The following PPIL4 variants were observed in gnomAD, a reference collection of about 807,000 sequenced individuals.
PPIL4 encodes peptidylprolyl isomerase like 4.
A neutral mutation model predicts 69.1 loss-of-function variants in PPIL4; 50 were observed. The ratio of observed to expected loss-of-function variants is 0.72; its 90% confidence interval spans 0.58 to 0.92. PPIL4 has a LOEUF of 0.92. Ranked by LOEUF, PPIL4 falls within the 40% of genes least tolerant of loss-of-function variation. The probability of loss-of-function intolerance (pLI) is 0.00; values close to 1 mark genes in which losing one functional copy is unlikely to be tolerated. For synonymous variants in PPIL4, 193 were observed against 191.6 expected (o/e 1.01, Z -0.06); for missense variants, 480 against 587.9 (o/e 0.82, Z 1.90).
rs754975857 is a variant in PPIL4 at position 149,541,560 on chromosome 6, T to C, written c.97A>G (p.Lys33Glu). The change falls in exon 2 of 13, where the codon AAA (lysine) becomes GAA (glutamate). Residue 33 changes from lysine to glutamate, a missense_variant. Transcript: ENST00000253329. ...RACLNFLKLC[K>E]IKYYNYCLIH... ...AGGCAATAATTGTAATATTTTATTT[T>C]GCACAGTTTCAAGAAATTCAAGCAG... 1 of 1,584,264 alleles carries C rather than the reference T, an allele frequency of 6.3e-7. No individual in the cohort carries two copies. The highest frequency in any genetic ancestry group is 8.7e-7 in the Non-Finnish European group (1 of 1,154,554).
Position 149,505,621 on chromosome 6 carries a change from T to C in PPIL4, c.1311A>G (p.Arg437=), listed in dbSNP as rs755327696. The change falls in exon 13 of 13, where the codon CGA becomes CGG. Residue 437 remains arginine, a synonymous_variant. Coordinates refer to ENST00000253329, the MANE Select transcript of PPIL4 (RefSeq NM_139126.4). ...ATCGGCTACGACTTCGGTTCTGAGT[T>C]CGGTCTCTCTTTTCACTCTTTTGTT... ...WEKQKSEKRD[R]TQNRSRSRSR... 1 of 1,614,188 alleles carries C rather than the reference T, an allele frequency of 6.2e-7. No homozygotes were observed. The highest frequency in any genetic ancestry group is 1.1e-5 in the South Asian group (1 of 91,088).
chr6:149,517,540 T>G, intron 10 of PPIL4, 90 bp from the exon 11 acceptor site: 1 of 602,446 alleles, frequency 1.7e-6, no homozygotes, highest in Non-Finnish European at 2.8e-6. Flanking sequence ...AAGAGCTATT[T>G]TATAAATGGC....
At chr6:149,541,970 C>T (rs1777371055) in intron 1 of PPIL4, among the ~76,000 whole-genome samples, 1 of 151,956 alleles carries the variant, frequency 6.6e-6, no homozygotes, top group Admixed American at 6.6e-5. Context: ...ACCAAGATCG[C>T]ACCACTGCAC....
intron 4 of PPIL4, among the ~76,000 whole-genome samples, chr6:149,537,378 C>T (rs1173745756): frequency 6.6e-6 from 1 of 152,158 alleles, no homozygotes; most frequent in African/African-American, 2.4e-5. Flanking sequence ...AACCAATGCT[C>T]ACTGACTATA....
At chr6:149,509,022 C>A (rs1320160927) in intron 12 of PPIL4, among the ~76,000 whole-genome samples, 1 of 151,920 alleles carries the variant, frequency 6.6e-6, no homozygotes, top group African/African-American at 2.4e-5. Context: ...CCATTAAAAT[C>A]TTAAATACTG....
At chr6:149,518,084 C>T (rs886212444) in intron 10 of PPIL4, among the ~76,000 whole-genome samples, 1 of 152,146 alleles carries the variant, frequency 6.6e-6, no homozygotes, top group African/African-American at 2.4e-5. Flanking sequence ...GATCACCAAA[C>T]AGCTGTGAGA....
At chr6:149,528,389 G>C (rs1777141474) in intron 7 of PPIL4, among the ~76,000 whole-genome samples, 1 of 152,076 alleles carries the variant, frequency 6.6e-6, no homozygotes, top group Admixed American at 6.6e-5. Flanking sequence ...TATAGTACTT[G>C]GTCAAAGCTA....
intron 1 of PPIL4, among the ~76,000 whole-genome samples, chr6:149,544,203 G>C (rs922375061): frequency 2.6e-5 from 4 of 152,106 alleles, no homozygotes; most frequent in Non-Finnish European, 5.9e-5. Context: ...GGAACTCAAA[G>C]AAAAGCAAAA....
At chr6:149,542,749 G>A (rs925855541) in intron 1 of PPIL4, among the ~76,000 whole-genome samples, 12 of 152,192 alleles carry the variant, frequency 7.9e-5, no homozygotes, top group Non-Finnish European at 1.5e-4. Context: ...AGCATTAAAA[G>A]AACTGGACTA....
rs1198143764 is a variant in PPIL4, at chr6:149,504,992, G to A, written c.*461C>T. ...TAACATTTCACTTACAGATACATACGTATGTTGTAAAACTATAATAGACAA... is the reference window on the plus strand; with the variant it reads ...TAACATTTCACTTACAGATACATACATATGTTGTAAAACTATAATAGACAA... On this transcript the variant is annotated 3_prime_UTR_variant, in exon 13 of 13. Coordinates refer to ENST00000253329, the MANE Select transcript of PPIL4 (RefSeq NM_139126.4). 2.0e-5 allele frequency: 3 copies of A among 152,858 alleles called. No homozygotes were observed. Among genetic ancestry groups the A allele is most frequent in the Non-Finnish European group, 4.4e-5 (3 of 68,632 alleles). The allele number at this position is 152,858 out of a possible 1,614,324, so 9.5% of individuals were successfully genotyped here. A position where few individuals can be genotyped will look rare whatever the true frequency, so the allele number is the denominator to read the frequency against.
chr6:149,528,692 C>G (rs550547321), intron 7 of PPIL4, among the ~76,000 whole-genome samples: 34 of 152,296 alleles, frequency 2.2e-4, no homozygotes, highest in African/African-American at 7.7e-4. Flanking sequence ...TGTAAAGCCA[C>G]TTTAGAAGAC....
At chr6:149,509,968 C>T (rs542992202) in intron 12 of PPIL4, among the ~76,000 whole-genome samples, 81 of 152,130 alleles carry the variant, frequency 5.3e-4, no homozygotes, top group African/African-American at 2.0e-3. Context: ...CCTATGTTGC[C>T]CAGGCTGGTC....
intron 11 of PPIL4, among the ~76,000 whole-genome samples, chr6:149,513,825 T>C (rs1270487420): frequency 1.3e-5 from 2 of 152,166 alleles, no homozygotes; most frequent in African/African-American, 4.8e-5. Context: ...TTTTCTTAAA[T>C]ATACTATAAT....
At position 149,512,154 on chromosome 6, in the gene PPIL4, C is replaced by T. The variant is rs1476076423; in HGVS notation, c.1227+1G>A. 3 of 1,600,852 alleles carry T rather than the reference C, an allele frequency of 1.9e-6. No individual in the cohort carries two copies. Among genetic ancestry groups the T allele is most frequent in the Non-Finnish European group, 2.6e-6 (3 of 1,173,796 alleles). Reference sequence around the variant, plus strand: ...CATCTAAGTCTGGACATTAGAGGTACCTGATTAGTATTTTTGATTGGCATG... The same window carrying T: ...CATCTAAGTCTGGACATTAGAGGTATCTGATTAGTATTTTTGATTGGCATG... On this transcript the variant is annotated splice_donor_variant, in intron 12 of 12. Coordinates refer to ENST00000253329, the MANE Select transcript of PPIL4 (RefSeq NM_139126.4). LOFTEE classifies it high-confidence loss of function.
chr6:149,540,788 A>AT (rs1488086782), intron 4 of PPIL4, among the ~76,000 whole-genome samples, 154 bp downstream of exon 4: 3 of 152,174 alleles, frequency 2.0e-5, no homozygotes, highest in Admixed American at 6.5e-5. Flanking sequence ...AGAAAATAAT[A>AT]TTTTTTAATA....
At chr6:149,511,369 A>G (rs1459514366) in intron 12 of PPIL4, among the ~76,000 whole-genome samples, 2 of 151,922 alleles carry the variant, frequency 1.3e-5, no homozygotes, top group Admixed American at 6.6e-5. Flanking sequence ...AGCTGAGACC[A>G]TAGGTGCACA....
chr6:149,541,950 G>A (rs1259365479), intron 1 of PPIL4, among the ~76,000 whole-genome samples: 3 of 152,006 alleles, frequency 2.0e-5, no homozygotes, highest in Non-Finnish European at 4.4e-5. Flanking sequence ...GGAGGTGGAG[G>A]TTGCAGTGAA....
intron 4 of PPIL4, among the ~76,000 whole-genome samples, chr6:149,538,021 G>A (rs537409900): frequency 2.0e-5 from 3 of 152,260 alleles, no homozygotes; most frequent in East Asian, 1.9e-4. Context: ...CACTTTGGGA[G>A]GCTGAGGCAG....
chr6:149,541,145 T>C, intron 3 of PPIL4, 86 bp from the exon 4 acceptor site: 4 of 706,282 alleles, frequency 5.7e-6, no homozygotes, highest in Non-Finnish European at 9.0e-6. Flanking sequence ...ATCAATTATT[T>C]CTTTACAGAA....
Sources: allele counts gnomAD v4.1 joint callset (sites outside exome capture counted in the v4.1 genomes callset), GRCh38; gene constraint gnomAD v4.1.1; transcripts MANE v1.5; gene names NCBI Gene and HGNC (gene_info 2026-07-23, HGNC 2026-07-21).